Variants in JAKMIP1 observed in about 807,000 individuals in gnomAD.
JAKMIP1 encodes janus kinase and microtubule interacting protein 1.
Under a neutral mutation model 113.0 loss-of-function variants are expected in JAKMIP1, and 33 were observed. The observed-to-expected ratio is 0.29, with a 90% CI of 0.22 to 0.39. The LOEUF (loss-of-function observed/expected upper bound fraction) is 0.39. Among genes scored for constraint, JAKMIP1 ranks in the 10% least tolerant of loss-of-function variants. The probability of loss-of-function intolerance (pLI) is 1.00; values close to 1 mark genes in which losing one functional copy is unlikely to be tolerated. For missense variants in JAKMIP1, 813 were observed against 1,080.5 expected (o/e 0.75, Z 3.47); for synonymous variants, 480 against 459.9 (o/e 1.04, Z -0.56).
At chr4:6,190,561 C>G (rs780821740) in intron 1 of JAKMIP1, among the ~76,000 whole-genome samples, 1 of 152,168 alleles carries the variant, frequency 6.6e-6, no homozygotes, top group Non-Finnish European at 1.5e-5. Context: ...TGGTGGAGGT[C>G]CAAGGAGAGG....
chr4:6,046,798 A>AG (rs1223972296), intron 16 of JAKMIP1, among the ~76,000 whole-genome samples: 4 of 152,086 alleles, frequency 2.6e-5, no homozygotes, highest in African/African-American at 4.8e-5. Flanking sequence ...GGGCGTGGGG[A>AG]GGGGTACATC....
At chr4:6,062,102 C>T (rs1451943846) in intron 10 of JAKMIP1, among the ~76,000 whole-genome samples, 1 of 152,232 alleles carries the variant, frequency 6.6e-6, no homozygotes, top group East Asian at 1.9e-4. Flanking sequence ...CTTCCTCTAA[C>T]AGCTCAATGT....
At position 6,189,173 on chromosome 4, in the gene JAKMIP1, C is replaced by T. The variant is rs182905501; in HGVS notation, c.-148+11080G>A. 6.6e-5 allele frequency among the ~76,000 whole-genome samples: 10 copies of T among 152,328 alleles called. No individual in the cohort carries two copies. In the East Asian group the frequency reaches 1.5e-3, roughly 24 times the overall value. ...TAATGGAATAAGAAATGTGACCTTC[C>T]GGGACCACAGGAATGCAGTTTGTTT... is the stretch of plus-strand genomic sequence containing the variant. On this transcript the variant is annotated intron_variant, in intron 1 of 20. Transcript: ENST00000409021.
At position 6,116,273 on chromosome 4, in the gene JAKMIP1, C is replaced by T. The variant is rs6830058; in HGVS notation, c.-147-3276G>A. On this transcript the variant is annotated intron_variant, in intron 1 of 20. Transcript: ENST00000409021. The surrounding 1 kb of genome is among the most constrained non-coding windows in gnomAD (Gnocchi z 5.1). ...CTGGCTGCGGGCTGCCCAAAGGTCTCATCAGCAGGAGCAACAGCAGGGAAC... is the reference window on the plus strand; with the variant it reads ...CTGGCTGCGGGCTGCCCAAAGGTCTTATCAGCAGGAGCAACAGCAGGGAAC... Among the ~76,000 whole-genome samples, 34,814 of 151,950 alleles carry T rather than the reference C, an allele frequency of 0.23. 4,133 individuals carry two copies. The highest frequency in any genetic ancestry group is 0.29 in the African/African-American group (12,190 of 41,436).
intron 1 of JAKMIP1, among the ~76,000 whole-genome samples, chr4:6,123,695 C>T (rs2108914097): frequency 6.6e-6 from 1 of 152,210 alleles, no homozygotes; most frequent in East Asian, 1.9e-4. Flanking sequence ...GTGGTGCAAG[C>T]CTGTAGTCCT....
At chr4:6,190,977 C>T (rs1727194938) in intron 1 of JAKMIP1, among the ~76,000 whole-genome samples, 1 of 152,240 alleles carries the variant, frequency 6.6e-6, no homozygotes, top group African/African-American at 2.4e-5. Flanking sequence ...CCTCGGCAAT[C>T]AGAGCTGGTG....
chr4:6,112,922 G>C lies in JAKMIP1; in HGVS notation c.-72C>G, dbSNP rs1202454174. 22 of 1,564,138 alleles carry C rather than the reference G, an allele frequency of 1.4e-5. No individual in the cohort carries two copies. Among genetic ancestry groups the C allele is most frequent in the Non-Finnish European group, 1.9e-5 (22 of 1,152,964 alleles). Reference sequence around the variant, plus strand: ...TCACGCACGCCAGCCAGCAGGCGTGGCTACCAGCTCCACCGTGCTAACCAG... The same window carrying C: ...TCACGCACGCCAGCCAGCAGGCGTGCCTACCAGCTCCACCGTGCTAACCAG... On this transcript the variant is annotated 5_prime_UTR_variant, in exon 2 of 21. Coordinates refer to ENST00000409021, the MANE Select transcript of JAKMIP1 (RefSeq NM_001099433.2).
At chr4:6,148,668 C>T (rs926060763) in intron 1 of JAKMIP1, among the ~76,000 whole-genome samples, 1 of 152,224 alleles carries the variant, frequency 6.6e-6, no homozygotes, top group Non-Finnish European at 1.5e-5. Flanking sequence ...CTGCAGGAGC[C>T]CCAATAAACG....
intron 1 of JAKMIP1, among the ~76,000 whole-genome samples, chr4:6,134,340 T>C (rs369168634): frequency 1.3e-3 from 203 of 152,338 alleles, no homozygotes; most frequent in African/African-American, 4.8e-3. Flanking sequence ...AGTATCTTTA[T>C]AGCAATGTGA....
In JAKMIP1 at chr4:6,029,767, C is replaced by T. The variant is rs1475632452; in HGVS notation, c.2394G>A (p.Leu798=). 1.2e-6 allele frequency: 2 copies of T among 1,604,012 alleles called. No homozygotes were observed. Among genetic ancestry groups the T allele is most frequent in the Non-Finnish European group, 8.5e-7 (1 of 1,175,046 alleles). The part of the protein sequence containing the change: ...LQQAQQRIRE[L]EDKLEFQKRH... Reference sequence around the variant, plus strand: ...GCTTCTGAAACTCCAGTTTGTCCTCCAGTTCTCGGATTCTCTGAAATACAC... The same window carrying T: ...GCTTCTGAAACTCCAGTTTGTCCTCTAGTTCTCGGATTCTCTGAAATACAC... Residue 798 remains leucine, a synonymous_variant, in exon 20 of 21, where the codon CTG becomes CTA. Coordinates refer to ENST00000409021, the MANE Select transcript of JAKMIP1 (RefSeq NM_001099433.2).
intron 8 of JAKMIP1, among the ~76,000 whole-genome samples, chr4:6,077,485 T>C (rs1719847896): frequency 2.3e-4 from 1 of 4,366 alleles, no homozygotes; most frequent in South Asian, 0.021. Context: ...TCCTTTCCTT[T>C]TTTTTTTTTT....
rs567271544 is a variant in JAKMIP1 at position 6,168,619 on chromosome 4, G to C, written c.-148+31634C>G. Among the ~76,000 whole-genome samples the C allele has an allele frequency of 6.6e-6, 1 of 152,156 alleles. No individual in the cohort carries two copies. Among genetic ancestry groups the C allele is most frequent in the Non-Finnish European group, 1.5e-5 (1 of 68,040 alleles). On this transcript the variant is annotated intron_variant, in intron 1 of 20. Coordinates refer to ENST00000409021, the MANE Select transcript of JAKMIP1 (RefSeq NM_001099433.2). This position sits in a 1 kb window ranked among gnomAD's most constrained non-coding sequence, Gnocchi z 4.6. ...GAAATCCATAGGGATGGCCAGGCAC[G>C]GTGGCTCACACCTGTAATCCCAGCA...
intron 4 of JAKMIP1, 126 bp from the exon 5 acceptor site, chr4:6,085,091 C>T: frequency 1.7e-6 from 2 of 1,184,728 alleles, no homozygotes; most frequent in South Asian, 1.6e-5. Context: ...GGCCCACATG[C>T]CACACAGCAA....
intron 1 of JAKMIP1, among the ~76,000 whole-genome samples, chr4:6,198,369 C>T (rs928628802): frequency 2.6e-5 from 4 of 151,770 alleles, no homozygotes; most frequent in Admixed American, 6.6e-5. Flanking sequence ...GACATGTCTA[C>T]GCAACACAGA....
rs1393147968 is a variant in JAKMIP1, at chr4:6,142,030, T to TAGTA, written c.-147-29034_-147-29033insTACT. 1.5e-5 allele frequency among the ~76,000 whole-genome samples: 2 copies of TAGTA among 131,276 alleles called. No individual in the cohort carries two copies. Among genetic ancestry groups the TAGTA allele is most frequent in the Admixed American group, 8.1e-5 (1 of 12,384 alleles). 86.1% of individuals were successfully genotyped at this position (131,276 alleles called of 152,430 possible). On this transcript the variant is annotated intron_variant, in intron 1 of 20. Coordinates refer to ENST00000409021, the MANE Select transcript of JAKMIP1 (RefSeq NM_001099433.2). The surrounding 1 kb of genome is among the most constrained non-coding windows in gnomAD (Gnocchi z 5.5). ...CCCCCACCCACTGTGAACACTCTAC[T>TAGTA]GACTTCCTTCTGGGCTGCTTTTCCA...
chr4:6,128,728 G>A (rs568527937), intron 1 of JAKMIP1, among the ~76,000 whole-genome samples: 1 of 152,100 alleles, frequency 6.6e-6, no homozygotes, highest in Non-Finnish European at 1.5e-5. Context: ...AGTCCTTCTG[G>A]TGCCCCCAGC....
At chr4:6,035,116 T>C (rs1382852544) in intron 19 of JAKMIP1, among the ~76,000 whole-genome samples, 1 of 151,452 alleles carries the variant, frequency 6.6e-6, no homozygotes, top group African/African-American at 2.4e-5. Context: ...AACCTCTTTC[T>C]CTCTCTCTCT....
intron 1 of JAKMIP1, among the ~76,000 whole-genome samples, chr4:6,190,209 G>C (rs535334111): frequency 9.9e-5 from 15 of 152,192 alleles, no homozygotes; most frequent in Middle Eastern, 3.4e-3. Context: ...CCATGGGGGG[G>C]GCTGCAATGC....
intron 16 of JAKMIP1, among the ~76,000 whole-genome samples, chr4:6,048,136 C>T (rs75107970): frequency 0.015 from 2,315 of 152,284 alleles, 59 homozygotes; most frequent in African/African-American, 0.052. Context: ...AAAACAATGA[C>T]GTGATACGGT....
Sources: allele counts gnomAD v4.1 joint callset (sites outside exome capture counted in the v4.1 genomes callset), GRCh38; gene constraint gnomAD v4.1.1; non-coding constraint Gnocchi (gnomAD v3.1); transcripts MANE v1.5; gene names NCBI Gene and HGNC (gene_info 2026-07-23, HGNC 2026-07-21).